Variants in NAALADL2 observed in about 807,000 individuals in gnomAD.
NAALADL2 encodes the protein N-acetylated alpha-linked acidic dipeptidase like 2.
A neutral mutation model predicts 87.2 loss-of-function variants in NAALADL2; 76 were observed. That is an observed-to-expected ratio of 0.87 (90% confidence interval 0.72 to 1.05). The LOEUF is 1.05. Among genes scored for constraint, NAALADL2 ranks in the 50% least tolerant of loss-of-function variants. NAALADL2 has a pLI of 0.00. For synonymous variants in NAALADL2, 354 were observed against 331.0 expected (o/e 1.07, Z -0.75); for missense variants, 1,089 against 945.8 (o/e 1.15, Z -1.99).
intron 5 of NAALADL2, among the ~76,000 whole-genome samples, chr3:175,439,726 T>C (rs1385156369): frequency 2.2e-5 from 3 of 139,284 alleles, no homozygotes; most frequent in Non-Finnish European, 4.7e-5. Context: ...TTGTGGTTTT[T>C]TTTTCTTTTT....
At chr3:174,671,760 T>C (rs148610215) in intron 2 of NAALADL2, among the ~76,000 whole-genome samples, 1 of 152,216 alleles carries the variant, frequency 6.6e-6, no homozygotes, top group African/African-American at 2.4e-5. Context: ...AACCTGGGTT[T>C]GAAGCCCAGC....
At chr3:174,537,129 G>C (rs747694050) in intron 1 of NAALADL2, among the ~76,000 whole-genome samples, 6 of 152,086 alleles carry the variant, frequency 3.9e-5, no homozygotes, top group Non-Finnish European at 7.4e-5. Context: ...TGTTATTGAA[G>C]ACTTACACTG....
intron 11 of NAALADL2, among the ~76,000 whole-genome samples, chr3:175,696,048 T>G (rs1737757257): frequency 6.6e-6 from 1 of 151,760 alleles, no homozygotes; most frequent in Non-Finnish European, 1.5e-5. Flanking sequence ...AAGAAAACTG[T>G]GGTGAAATAT....
In NAALADL2 at chr3:175,423,195, AAAG is replaced by A. The variant is rs1229981810; in HGVS notation, c.1091-24028_1091-24026del. Among the ~76,000 whole-genome samples, 17 of 149,280 alleles carry A rather than the reference AAAG, an allele frequency of 1.1e-4. No homozygotes were observed. In the South Asian group the frequency reaches 1.7e-3, roughly 15 times the overall value. On this transcript the variant is annotated intron_variant, in intron 5 of 13. Coordinates refer to ENST00000454872, the MANE Select transcript of NAALADL2 (RefSeq NM_207015.3). ...GGGGGGGTCTCTTCTTTTTTTGCAC[AAAG>A]AAGAATTTATTTTTCTTTTTTTTTT...
intron 13 of NAALADL2, among the ~76,000 whole-genome samples, chr3:175,785,961 T>C (rs960870631): frequency 6.6e-6 from 1 of 151,958 alleles, no homozygotes; most frequent in Non-Finnish European, 1.5e-5. Context: ...CCTTCACTTA[T>C]GAAGCTTAGT....
In NAALADL2 at chr3:175,096,821, A is replaced by C. The variant is rs778817025; in HGVS notation, c.75A>C (p.Ala25=). The C allele has an allele frequency of 3.8e-6, 6 of 1,596,478 alleles. No homozygotes were observed. The highest frequency in any genetic ancestry group is 3.4e-6 in the Non-Finnish European group (4 of 1,172,084). ...GKKMAYQKVH[A]DQRAPGHSQY... ...AGATGGCCTATCAGAAGGTCCATGC[A>C]GATCAAAGAGCTCCAGGACACTCAC... The change falls in exon 2 of 14, where the codon GCA becomes GCC. Residue 25 remains alanine (A), a synonymous_variant. Coordinates refer to ENST00000454872, the MANE Select transcript of NAALADL2 (RefSeq NM_207015.3).
At chr3:174,549,005 TA>T (rs1167538118) in intron 1 of NAALADL2, among the ~76,000 whole-genome samples, 1 of 152,160 alleles carries the variant, frequency 6.6e-6, no homozygotes, top group Non-Finnish European at 1.5e-5. Context: ...CATGCCCGGC[TA>T]ATTTGTGTAT....
At chr3:174,951,439 C>G (rs947578311) in intron 1 of NAALADL2, among the ~76,000 whole-genome samples, 7 of 152,098 alleles carry the variant, frequency 4.6e-5, no homozygotes, top group Admixed American at 4.6e-4. Context: ...AGAAAATAGG[C>G]GGAGTGAATT....
At chr3:174,980,503 T>C (rs901041086) in intron 1 of NAALADL2, among the ~76,000 whole-genome samples, 19 of 152,134 alleles carry the variant, frequency 1.2e-4, no homozygotes, top group Non-Finnish European at 2.5e-4. Flanking sequence ...ATAGTGAGAA[T>C]TGGCCTCTAT....
chr3:175,283,731 G>A (rs1177585538), intron 4 of NAALADL2, among the ~76,000 whole-genome samples: 2 of 152,118 alleles, frequency 1.3e-5, no homozygotes, highest in Non-Finnish European at 2.9e-5. Flanking sequence ...TGTGCGGCTT[G>A]TGAGAGACCC....
chr3:175,216,668 CTT>C (rs3067029), intron 2 of NAALADL2, among the ~76,000 whole-genome samples: 1 of 87,342 alleles, frequency 1.1e-5, no homozygotes, highest in East Asian at 3.2e-4. Context: ...TTTTTCTTTT[CTT>C]TTTTTTTTTT....
chr3:175,089,649 C>G (rs528423204), intron 1 of NAALADL2, among the ~76,000 whole-genome samples: 1 of 152,194 alleles, frequency 6.6e-6, no homozygotes, highest in East Asian at 1.9e-4. Context: ...TCACTCTGTA[C>G]ATCAAAATCT....
At chr3:175,104,304 C>A (rs1157330106) in intron 2 of NAALADL2, among the ~76,000 whole-genome samples, 2 of 152,064 alleles carry the variant, frequency 1.3e-5, no homozygotes, top group Non-Finnish European at 2.9e-5. Flanking sequence ...CCATGAAGAA[C>A]CACAGAGTGT....
At chr3:175,751,385 G>T (rs544639641) in intron 12 of NAALADL2, among the ~76,000 whole-genome samples, 1 of 152,078 alleles carries the variant, frequency 6.6e-6, no homozygotes, top group East Asian at 1.9e-4. Flanking sequence ...TTGAAGAAGT[G>T]ATAGAGAGTA....
At chr3:174,974,967 A>T (rs781449279) in intron 1 of NAALADL2, among the ~76,000 whole-genome samples, 1 of 152,100 alleles carries the variant, frequency 6.6e-6, no homozygotes, top group Non-Finnish European at 1.5e-5. Context: ...AAATTTTGCT[A>T]ATTTGGGGAA....
chr3:175,637,362 A>G (rs1728693972), intron 11 of NAALADL2, among the ~76,000 whole-genome samples: 1 of 152,252 alleles, frequency 6.6e-6, no homozygotes, highest in Non-Finnish European at 1.5e-5. Flanking sequence ...CATAGACAAA[A>G]GCAAAGATGT....
At chr3:174,854,322 A>G (rs1367257018) in intron 3 of NAALADL2, among the ~76,000 whole-genome samples, 2 of 152,186 alleles carry the variant, frequency 1.3e-5, no homozygotes, top group East Asian at 1.9e-4. Context: ...TGTGAGACAT[A>G]CAAAACGTAA....
chr3:175,627,928 A>G (rs555522155), intron 11 of NAALADL2, among the ~76,000 whole-genome samples: 2 of 150,674 alleles, frequency 1.3e-5, no homozygotes, highest in Non-Finnish European at 3.0e-5. Flanking sequence ...TTGTTTAAAT[A>G]GGTAAGGTAC....
At chr3:175,177,366 A>T (rs540658804) in intron 2 of NAALADL2, among the ~76,000 whole-genome samples, 1 of 152,056 alleles carries the variant, frequency 6.6e-6, no homozygotes, top group African/African-American at 2.4e-5. Context: ...CTATCCTACT[A>T]TTAAAGTCAT....
Sources: gnomAD v4.1 joint callset for allele counts (sites outside exome capture counted in the v4.1 genomes callset) on GRCh38, gnomAD v4.1.1 for gene constraint, MANE v1.5 for transcripts, NCBI Gene and HGNC (gene_info 2026-07-23, HGNC 2026-07-21) for gene names.